Variants in TAFA2 observed in about 807,000 individuals in gnomAD.
TAFA2 encodes the protein chemokine-like protein TAFA-2.
In TAFA2, 7 loss-of-function variants were observed where a neutral mutation model predicts 18.8. That is an observed-to-expected ratio of 0.37 (90% CI 0.21 to 0.70). The LOEUF (loss-of-function observed/expected upper bound fraction) is 0.70, where lower values mean the gene tolerates loss of function less well. Among genes scored for constraint, TAFA2 ranks in the 30% least tolerant of loss-of-function variants. The pLI is 0.53. For synonymous variants in TAFA2, 60 were observed against 54.2 expected (o/e 1.11, Z -0.47); for missense variants, 122 against 158.1 (o/e 0.77, Z 1.23).
rs7134026 is a variant in TAFA2, at chr12:62,188,199, C to T, written c.-2+3060G>A. On this transcript the variant is annotated intron_variant, in intron 1 of 4. Coordinates refer to ENST00000416284, the MANE Select transcript of TAFA2 (RefSeq NM_178539.5). ...GTCAGGCATAGATCAAAGGGGATGA[C>T]GGCTTGGATGATTATTTTACCCCAA... Among the ~76,000 whole-genome samples the T allele has an allele frequency of 8.4e-3, 1,284 of 152,222 alleles. 19 individuals are homozygous for T. Among genetic ancestry groups the T allele is most frequent in the African/African-American group, 0.029 (1,224 of 41,532 alleles).
At chr12:62,233,698 A>G (rs1183916375) in intron 1 of TAFA2, among the ~76,000 whole-genome samples, 1 of 152,172 alleles carries the variant, frequency 6.6e-6, no homozygotes, top group Non-Finnish European at 1.5e-5. Flanking sequence ...TAGAAATGAA[A>G]GATTCTTTGA....
At chr12:62,045,694 C>T (rs1215731795) in intron 1 of TAFA2, among the ~76,000 whole-genome samples, 1 of 152,132 alleles carries the variant, frequency 6.6e-6, no homozygotes, top group African/African-American at 2.4e-5. Context: ...TTAGATGTTC[C>T]TGTTTTTAAA....
intron 1 of TAFA2, among the ~76,000 whole-genome samples, chr12:61,973,949 A>C (rs1279546275): frequency 6.6e-6 from 1 of 151,758 alleles, no homozygotes; most frequent in East Asian, 1.9e-4. Flanking sequence ...GATGTCTGGA[A>C]AAATAACTTC....
intron 2 of TAFA2, among the ~76,000 whole-genome samples, chr12:61,855,199 T>C (rs1873833370): frequency 6.6e-6 from 1 of 152,200 alleles, no homozygotes; most frequent in Non-Finnish European, 1.5e-5. Flanking sequence ...TCCCCTGAGA[T>C]ATTCTGCCTG....
chr12:61,976,693 G>A lies in TAFA2; in HGVS notation c.-1-109267C>T, dbSNP rs552439976. Among the ~76,000 whole-genome samples the A allele has an allele frequency of 4.6e-5, 7 of 151,774 alleles. No homozygotes were observed. In the South Asian group the frequency reaches 8.3e-4, roughly 18 times the overall value. On this transcript the variant is annotated intron_variant, in intron 1 of 4. Coordinates refer to ENST00000416284, the MANE Select transcript of TAFA2 (RefSeq NM_178539.5). Reference sequence around the variant, plus strand: ...AATGCTATCCCTCTCCCTACCCCACGACAGACCCTGGTGTGTGATGTTCCC... The same window carrying A: ...AATGCTATCCCTCTCCCTACCCCACAACAGACCCTGGTGTGTGATGTTCCC...
intron 1 of TAFA2, among the ~76,000 whole-genome samples, chr12:62,173,690 A>C (rs2062494019): frequency 6.6e-6 from 1 of 152,216 alleles, no homozygotes; most frequent in Non-Finnish European, 1.5e-5. Context: ...TCTGATCTAT[A>C]TGAACCAATG....
chr12:61,834,758 T>C (rs556153759), intron 2 of TAFA2, among the ~76,000 whole-genome samples: 1 of 152,186 alleles, frequency 6.6e-6, no homozygotes, highest in East Asian at 1.9e-4. Context: ...TATCAACAGT[T>C]GATTTTATTA....
intron 4 of TAFA2, among the ~76,000 whole-genome samples, chr12:61,748,325 TAC>T (rs937851147): frequency 2.6e-5 from 4 of 152,110 alleles, no homozygotes; most frequent in African/African-American, 9.7e-5. Context: ...TAAAGGTCAT[TAC>T]AGTCTGTGCT....
chr12:62,148,336 T>C (rs1342188232), intron 1 of TAFA2, among the ~76,000 whole-genome samples: 1 of 152,154 alleles, frequency 6.6e-6, no homozygotes, highest in East Asian at 1.9e-4. Flanking sequence ...AAATGTGGCA[T>C]ATATACAACA....
At chr12:61,725,053 T>C (rs1870095014) in intron 4 of TAFA2, among the ~76,000 whole-genome samples, 1 of 151,950 alleles carries the variant, frequency 6.6e-6, no homozygotes, top group Non-Finnish European at 1.5e-5. Context: ...ATTAGTGAGG[T>C]TGAGCATGTT....
chr12:62,209,397 G>C (rs979827942), intron 1 of TAFA2, among the ~76,000 whole-genome samples: 2 of 152,308 alleles, frequency 1.3e-5, no homozygotes, highest in South Asian at 2.1e-4. Context: ...TGCCATGATT[G>C]TAAGTTTCCT....
intron 2 of TAFA2, among the ~76,000 whole-genome samples, chr12:61,804,659 T>C (rs1478128921): frequency 6.6e-6 from 1 of 152,092 alleles, no homozygotes; most frequent in Non-Finnish European, 1.5e-5. Flanking sequence ...TACAGCACTC[T>C]GTGGAATTAT....
intron 1 of TAFA2, among the ~76,000 whole-genome samples, chr12:62,094,902 T>C (rs938066223): frequency 6.6e-6 from 1 of 152,110 alleles, no homozygotes; most frequent in African/African-American, 2.4e-5. Flanking sequence ...TAGAAAAATA[T>C]ATATTACAAA....
chr12:61,786,691 A>G (rs537506408), intron 2 of TAFA2, among the ~76,000 whole-genome samples: 4 of 151,756 alleles, frequency 2.6e-5, no homozygotes, highest in Non-Finnish European at 4.4e-5. Flanking sequence ...TAATGAAACA[A>G]TACACTAGAT....
intron 1 of TAFA2, among the ~76,000 whole-genome samples, chr12:62,180,954 G>C (rs1397800755): frequency 6.6e-6 from 1 of 152,138 alleles, no homozygotes; most frequent in Non-Finnish European, 1.5e-5. Context: ...ACTTAAATTT[G>C]ACATTGACAA....
chr12:61,823,099 AC>A (rs546080993), intron 2 of TAFA2, among the ~76,000 whole-genome samples: 10 of 152,180 alleles, frequency 6.6e-5, no homozygotes, highest in Non-Finnish European at 1.0e-4. Context: ...TCATTTAGAA[AC>A]TTTTTAAAAG....
intron 1 of TAFA2, among the ~76,000 whole-genome samples, chr12:62,175,112 A>AT (rs571721408): frequency 2.6e-5 from 4 of 152,014 alleles, no homozygotes; most frequent in Admixed American, 2.0e-4. Flanking sequence ...TTCCCTGTGG[A>AT]TTTTTTTTCT....
At chr12:62,207,895 C>A (rs1245649) in intron 1 of TAFA2, among the ~76,000 whole-genome samples, 80,840 of 151,994 alleles carry the variant, frequency 0.53, 22,271 homozygotes, top group East Asian at 0.7. Context: ...TGGGCCCTCC[C>A]TGTGGTAAGT....
intron 2 of TAFA2, among the ~76,000 whole-genome samples, chr12:61,796,333 A>G (rs1045661778): frequency 6.6e-6 from 1 of 152,140 alleles, no homozygotes; most frequent in Non-Finnish European, 1.5e-5. Flanking sequence ...ACAATATAAT[A>G]CCACTGAGAA....
Sources: gnomAD v4.1 joint callset for allele counts (sites outside exome capture counted in the v4.1 genomes callset) on GRCh38, gnomAD v4.1.1 for gene constraint, MANE v1.5 for transcripts, NCBI Gene and HGNC (gene_info 2026-07-23, HGNC 2026-07-21) for gene names.